DAB1: variants seen among roughly 807,000 people sequenced by gnomAD.
DAB1 encodes DAB adaptor protein 1.
A neutral mutation model predicts 64.6 loss-of-function variants in DAB1; 15 were observed. The ratio of observed to expected loss-of-function variants is 0.23; its 90% CI spans 0.16 to 0.36. The LOEUF (loss-of-function observed/expected upper bound fraction) is 0.36. DAB1 is among the 10% of genes least tolerant of loss of function. DAB1 has a pLI of 1.00. For missense variants in DAB1, 596 were observed against 706.7 expected (o/e 0.84, Z 1.78); for synonymous variants, 235 against 251.9 (o/e 0.93, Z 0.64).
At chr1:57,353,597 T>C (rs549182997) in intron 1 of DAB1, among the ~76,000 whole-genome samples, 15 of 152,314 alleles carry the variant, frequency 9.8e-5, no homozygotes, top group Middle Eastern at 6.8e-3. Flanking sequence ...CATTCACTTC[T>C]ATCTCATTTT....
In DAB1 at chr1:58,407,257, A is replaced by T. The variant is rs535759467; in HGVS notation, n.258-63854T>A. On this transcript the variant is annotated intron_variant and non_coding_transcript_variant, in intron 3 of 20. Coordinates refer to the DAB1 transcript ENST00000485760. ...CTGGGAGAAGGAATGGTTAGTGCCC[A>T]GACACCGTGGCACCCCTCAGCCCTT... Among the ~76,000 whole-genome samples the T allele has an allele frequency of 4.6e-5, 7 of 152,270 alleles. No individual in the cohort carries two copies. The East Asian group carries it at 1.2e-3, about 25-fold the overall frequency.
intron 3 of DAB1, among the ~76,000 whole-genome samples, chr1:58,387,878 C>T (rs1191168669): frequency 2.6e-5 from 4 of 151,984 alleles, no homozygotes; most frequent in Non-Finnish European, 4.4e-5. Context: ...AGGCGCCCGC[C>T]ACCACGCCTG....
In DAB1 at chr1:57,080,239, C is replaced by A. The variant is rs144170146; in HGVS notation, c.307-7825G>T. Among the ~76,000 whole-genome samples, 408 of 152,262 alleles carry A rather than the reference C, an allele frequency of 2.7e-3. 3 individuals are homozygous for A. The highest frequency in any genetic ancestry group is 9.1e-3 in the African/African-American group (377 of 41,550). The stretch of plus-strand genomic sequence containing the variant: ...ACTTCCCATTCCCTACTCCTCCCAG[C>A]CCCTGGCAACTGTCACTCTCCTTTA... On this transcript the variant is annotated intron_variant, in intron 4 of 14. Transcript: ENST00000371236.
chr1:57,234,461 G>A (rs999209318), intron 2 of DAB1, among the ~76,000 whole-genome samples: 1 of 152,034 alleles, frequency 6.6e-6, no homozygotes, highest in African/African-American at 2.4e-5. Context: ...GTCAATAATT[G>A]TATTGAGTGC....
At chr1:57,047,539 G>A (rs919235094) in intron 9 of DAB1, among the ~76,000 whole-genome samples, 1 of 152,130 alleles carries the variant, frequency 6.6e-6, no homozygotes, top group African/African-American at 2.4e-5. Flanking sequence ...AGGAAGGGCC[G>A]CATGAGGACA....
intron 3 of DAB1, among the ~76,000 whole-genome samples, chr1:57,137,138 GA>G (rs1300467315): frequency 7.2e-5 from 11 of 152,016 alleles, no homozygotes; most frequent in Admixed American, 3.9e-4. Flanking sequence ...CATTTTGCTG[GA>G]AAAAAATGTG....
chr1:57,362,002 A>G (rs773303353), intron 1 of DAB1, among the ~76,000 whole-genome samples: 2 of 152,212 alleles, frequency 1.3e-5, no homozygotes, highest in African/African-American at 2.4e-5. Flanking sequence ...CATTTAATCA[A>G]TTTTGGATTC....
intron 5 of DAB1, among the ~76,000 whole-genome samples, chr1:58,076,860 G>T (rs889504275): frequency 1.2e-4 from 19 of 152,322 alleles, no homozygotes; most frequent in South Asian, 6.2e-4. Flanking sequence ...GGAGAGGTCA[G>T]ATGGCCAAGC....
At chr1:58,535,464 C>T (rs747912216) in intron 1 of DAB1, among the ~76,000 whole-genome samples, 7 of 151,916 alleles carry the variant, frequency 4.6e-5, no homozygotes, top group Admixed American at 1.3e-4. Flanking sequence ...GGCGTGGTGG[C>T]GCACGCCTGT....
chr1:58,382,171 T>G (rs1436368202), intron 3 of DAB1, among the ~76,000 whole-genome samples: 1 of 152,196 alleles, frequency 6.6e-6, no homozygotes, highest in Non-Finnish European at 1.5e-5. Context: ...ATCTATGTCA[T>G]TCTCCCAGGT....
chr1:58,194,277 T>G lies in DAB1; in HGVS notation n.310-43689A>C, dbSNP rs577028898. Among the ~76,000 whole-genome samples the G allele has an allele frequency of 9.8e-5, 15 of 152,346 alleles. 1 individual carries two copies. The highest frequency in any genetic ancestry group is 5.9e-4 in the Admixed American group (9 of 15,302). ...CCAGCACTGTTTACCTATGTGATAT[T>G]TGCTATTTCAACTGGCCTCTCTGAG... On this transcript the variant is annotated intron_variant and non_coding_transcript_variant, in intron 4 of 20. Coordinates refer to the DAB1 transcript ENST00000485760.
At chr1:58,327,337 C>T (rs1046127994) in intron 4 of DAB1, among the ~76,000 whole-genome samples, 1 of 152,064 alleles carries the variant, frequency 6.6e-6, no homozygotes, top group Non-Finnish European at 1.5e-5. Context: ...GAGGAGGAGG[C>T]AGGCAATACC....
chr1:57,932,738 C>T (rs1644971383), intron 5 of DAB1, among the ~76,000 whole-genome samples: 1 of 152,034 alleles, frequency 6.6e-6, no homozygotes, highest in Non-Finnish European at 1.5e-5. Flanking sequence ...CTGCTAGGCC[C>T]AAAATTAACA....
intron 6 of DAB1, among the ~76,000 whole-genome samples, chr1:57,661,847 G>A (rs1047995368): frequency 6.6e-6 from 1 of 151,868 alleles, no homozygotes; most frequent in Non-Finnish European, 1.5e-5. Context: ...GTGGTTGGTG[G>A]GACCTGCAGT....
chr1:58,534,081 T>G (rs1260070322), intron 1 of DAB1: 1 of 868,912 alleles, frequency 1.2e-6, no homozygotes, highest in South Asian at 1.3e-5. Context: ...AAGAAAATAA[T>G]GTAAGCAATT....
At chr1:58,256,829 G>A (rs1163412318) in intron 4 of DAB1, among the ~76,000 whole-genome samples, 1 of 152,156 alleles carries the variant, frequency 6.6e-6, no homozygotes, top group Admixed American at 6.5e-5. Flanking sequence ...AACCCATACA[G>A]GATTTCTGAT....
intron 1 of DAB1, among the ~76,000 whole-genome samples, chr1:57,402,293 A>C (rs1683308914): frequency 6.6e-6 from 1 of 152,204 alleles, no homozygotes; most frequent in South Asian, 2.1e-4. Flanking sequence ...TAAAAAGGAA[A>C]CTGTTTTAGT....
intron 14 of DAB1, among the ~76,000 whole-genome samples, chr1:57,010,315 A>G (rs1646224745): frequency 6.6e-6 from 1 of 152,186 alleles, no homozygotes; most frequent in Non-Finnish European, 1.5e-5. Flanking sequence ...GCCTCATTCT[A>G]TCACCACCAA....
intron 4 of DAB1, among the ~76,000 whole-genome samples, chr1:58,181,843 CAT>C (rs1330081550): frequency 1.3e-5 from 2 of 151,868 alleles, no homozygotes; most frequent in African/African-American, 2.4e-5. Flanking sequence ...AGAAAAGAAA[CAT>C]ATATTTATTG....
Sources: gnomAD v4.1 joint callset for allele counts (sites outside exome capture counted in the v4.1 genomes callset) on GRCh38, gnomAD v4.1.1 for gene constraint, MANE v1.5 for transcripts, NCBI Gene and HGNC (gene_info 2026-07-23, HGNC 2026-07-21) for gene names.